DNAJC5: variants seen among roughly 807,000 people sequenced by gnomAD.
The protein encoded by DNAJC5 is dnaJ homolog subfamily C member 5.
DNAJC5 carries 1 observed loss-of-function variant against 23.2 expected under a neutral mutation model. The ratio of observed to expected loss-of-function variants is 0.04; its 90% CI spans 0.02 to 0.20. The LOEUF (loss-of-function observed/expected upper bound fraction) is 0.20. DNAJC5 is among the 10% of genes least tolerant of loss of function. The pLI, the probability that DNAJC5 is intolerant of heterozygous loss-of-function variation, is 1.00. For missense variants in DNAJC5, 180 were observed against 267.0 expected, an observed-to-expected ratio of 0.67 and a Z score of 2.27; for synonymous variants, 136 against 120.0, an observed-to-expected ratio of 1.13 and a Z score of -0.87.
chr20:63,918,719 C>T (rs556355461), intron 1 of DNAJC5, among the ~76,000 whole-genome samples: 15 of 152,300 alleles, frequency 9.8e-5, no homozygotes, highest in African/African-American at 3.1e-4. Context: ...CTCAGCCTCC[C>T]GAGTAGCTGG....
At chr20:63,896,455 G>C (rs951718505) in intron 1 of DNAJC5, among the ~76,000 whole-genome samples, 1 of 152,200 alleles carries the variant, frequency 6.6e-6, no homozygotes, top group Non-Finnish European at 1.5e-5. Context: ...GTTGCTGGCT[G>C]TGTGGACTCT....
intron 1 of DNAJC5, among the ~76,000 whole-genome samples, chr20:63,897,637 A>G (rs1404942560): frequency 1.3e-5 from 2 of 152,224 alleles, no homozygotes; most frequent in Non-Finnish European, 2.9e-5. Flanking sequence ...TTTGTCTTTG[A>G]TTACCAGGAA....
Position 63,929,221 on chromosome 20 carries a change from C to G in DNAJC5, c.108-91C>G. The G allele has an allele frequency of 6.8e-7, 1 of 1,465,186 alleles. No homozygotes were observed. 90.8% of individuals were successfully genotyped at this position (1,465,186 alleles called of 1,614,324 possible). ...CTGGGTGGACCTGCCTTCCACTGCA[C>G]CCGGCAGTGCGTGCGGGTGGGATGG... is the stretch of plus-strand genomic sequence containing the variant. On this transcript the variant is annotated intron_variant, in intron 2 of 4. Coordinates refer to ENST00000360864, the MANE Select transcript of DNAJC5 (RefSeq NM_025219.3). The surrounding 1 kb of genome is among the most constrained non-coding windows in gnomAD (Gnocchi z 8.6).
At position 63,932,073 on chromosome 20, in the gene DNAJC5, A is replaced by C; in HGVS notation, c.*505A>C. 2 of 217,218 alleles carry C rather than the reference A, an allele frequency of 9.2e-6. No homozygotes were observed. The highest frequency in any genetic ancestry group is 9.5e-6 in the Non-Finnish European group (1 of 105,328). 13.5% of individuals were successfully genotyped at this position (217,218 alleles called of 1,614,324 possible). ...CTCCCAGCCTTGAGGCTGCAGTAGG[A>C]CTCTGATCTCACCTGCCAGAAGAGA... On this transcript the variant is annotated 3_prime_UTR_variant, in exon 5 of 5. Transcript: ENST00000360864. The surrounding 1 kb of genome is among the most constrained non-coding windows in gnomAD (Gnocchi z 4.4).
At chr20:63,918,664 C>T (rs928073301) in intron 1 of DNAJC5, among the ~76,000 whole-genome samples, 4 of 152,162 alleles carry the variant, frequency 2.6e-5, no homozygotes, top group South Asian at 4.1e-4. Context: ...GGCGCGATCT[C>T]GGCTCACGGC....
At chr20:63,913,460 G>C (rs184821125) in intron 1 of DNAJC5, among the ~76,000 whole-genome samples, 1 of 150,992 alleles carries the variant, frequency 6.6e-6, no homozygotes, top group Non-Finnish European at 1.5e-5. Flanking sequence ...GCAGTGGTGC[G>C]GTCTCAGCTC....
chr20:63,910,915 T>C (rs1054472110), intron 1 of DNAJC5, among the ~76,000 whole-genome samples: 1 of 152,160 alleles, frequency 6.6e-6, no homozygotes, highest in Admixed American at 6.5e-5. Context: ...ATGATCCGCC[T>C]GCCTTGGCCT....
chr20:63,902,946 G>A (rs188395383), intron 1 of DNAJC5, among the ~76,000 whole-genome samples: 3 of 152,142 alleles, frequency 2.0e-5, no homozygotes, highest in African/African-American at 7.2e-5. Context: ...CAAAGTGCTG[G>A]GATTAGAGGC....
At chr20:63,910,181 C>G (rs1233408277) in intron 1 of DNAJC5, among the ~76,000 whole-genome samples, 1 of 152,130 alleles carries the variant, frequency 6.6e-6, no homozygotes, top group Non-Finnish European at 1.5e-5. Context: ...ATAGTCGCTA[C>G]CCAGGTGTCA....
chr20:63,915,098 C>A (rs1355679739), intron 1 of DNAJC5, among the ~76,000 whole-genome samples: 4 of 152,080 alleles, frequency 2.6e-5, no homozygotes, highest in Non-Finnish European at 5.9e-5. Context: ...CATGGATGCT[C>A]CTGGGACCTG....
intron 3 of DNAJC5, among the ~76,000 whole-genome samples, chr20:63,930,147 T>C (rs1433802957): frequency 6.6e-6 from 1 of 152,238 alleles, no homozygotes; most frequent in African/African-American, 2.4e-5. Context: ...CTTTGACTGG[T>C]CGGCCTCCTC....
At chr20:63,921,532 A>G (rs1018410702) in intron 1 of DNAJC5, among the ~76,000 whole-genome samples, 2 of 151,316 alleles carry the variant, frequency 1.3e-5, no homozygotes, top group African/African-American at 4.9e-5. Context: ...CGGAGCTTGC[A>G]GCAAGCCGAG....
At chr20:63,905,116 T>TTC (rs1365035698) in intron 1 of DNAJC5, among the ~76,000 whole-genome samples, 1 of 149,524 alleles carries the variant, frequency 6.7e-6, no homozygotes, top group African/African-American at 2.5e-5. Context: ...TTTTTTTTTT[T>TTC]CCTGTCTTTT....
At chr20:63,907,975 C>T (rs140254590) in intron 1 of DNAJC5, among the ~76,000 whole-genome samples, 32 of 152,258 alleles carry the variant, frequency 2.1e-4, no homozygotes, top group African/African-American at 7.7e-4. Flanking sequence ...ACCAGGTTGG[C>T]GAGGCTAGTC....
intron 1 of DNAJC5, among the ~76,000 whole-genome samples, chr20:63,911,943 G>A (rs966414331): frequency 2.6e-5 from 4 of 151,990 alleles, no homozygotes; most frequent in African/African-American, 9.7e-5. Flanking sequence ...CTTCCAAAGT[G>A]TTGGGATTAC....
At chr20:63,896,233 A>G (rs1300328163) in intron 1 of DNAJC5, among the ~76,000 whole-genome samples, 2 of 152,284 alleles carry the variant, frequency 1.3e-5, no homozygotes, top group South Asian at 2.1e-4. Context: ...CTGAGATTTT[A>G]TGTTCGTTTA....
chr20:63,918,250 T>C (rs771866970), intron 1 of DNAJC5, among the ~76,000 whole-genome samples: 2 of 152,172 alleles, frequency 1.3e-5, no homozygotes, highest in African/African-American at 2.4e-5. Flanking sequence ...GGCACGATGC[T>C]GTGTGCCTAT....
intron 1 of DNAJC5, among the ~76,000 whole-genome samples, chr20:63,926,027 ACTGTGTT>A (rs1310954866): frequency 1.3e-5 from 2 of 151,806 alleles, no homozygotes; most frequent in Admixed American, 6.6e-5. Context: ...ATGGGGTTTC[ACTGTGTT>A]AGCCAGGATG....
chr20:63,918,784 C>T (rs1327672754), intron 1 of DNAJC5, among the ~76,000 whole-genome samples: 5 of 152,082 alleles, frequency 3.3e-5, no homozygotes, highest in Non-Finnish European at 5.9e-5. Context: ...TTTGTAGAGA[C>T]GGGGTTTCAC....
Sources: gnomAD v4.1 joint callset for allele counts (sites outside exome capture counted in the v4.1 genomes callset) on GRCh38, gnomAD v4.1.1 for gene constraint, Gnocchi (gnomAD v3.1) non-coding constraint, MANE v1.5 for transcripts, NCBI Gene and HGNC (gene_info 2026-07-23, HGNC 2026-07-21) for gene names.